TBL1XR1: variants seen among roughly 807,000 people sequenced by gnomAD.
TBL1XR1 encodes F-box-like/WD repeat-containing protein TBL1XR1.
TBL1XR1 carries 5 observed loss-of-function variants against 66.9 expected under a neutral mutation model. The observed-to-expected ratio is 0.07, with a 90% CI of 0.04 to 0.16. The LOEUF (loss-of-function observed/expected upper bound fraction) is 0.16, where lower values mean the gene tolerates loss of function less well. Among genes scored for constraint, TBL1XR1 ranks in the 10% least tolerant of loss-of-function variants. The pLI, the probability that TBL1XR1 is intolerant of heterozygous loss-of-function variation, is 1.00. For synonymous variants in TBL1XR1, 210 were observed against 206.0 expected (o/e 1.02, Z -0.17); for missense variants, 238 against 623.2 (o/e 0.38, Z 6.58).
At chr3:177,137,451 C>T (rs1729133339) in intron 1 of TBL1XR1, among the ~76,000 whole-genome samples, 3 of 152,174 alleles carry the variant, frequency 2.0e-5, no homozygotes, top group Non-Finnish European at 1.5e-5. Flanking sequence ...TGTGCTCATA[C>T]CACCACACTC....
chr3:177,167,911 AG>A (rs1249933216), intron 1 of TBL1XR1, among the ~76,000 whole-genome samples: 2 of 151,934 alleles, frequency 1.3e-5, no homozygotes, highest in East Asian at 4.0e-4. Flanking sequence ...GGGCAACAAG[AG>A]CGAAACACTG....
chr3:177,134,467 T>TAAGA (rs1728668049), intron 1 of TBL1XR1, among the ~76,000 whole-genome samples: 1 of 152,206 alleles, frequency 6.6e-6, no homozygotes, highest in South Asian at 2.1e-4. Flanking sequence ...ATTCAGTCCC[T>TAAGA]AAGAATGTGT....
intron 1 of TBL1XR1, among the ~76,000 whole-genome samples, chr3:177,113,269 A>G (rs1725882434): frequency 6.6e-6 from 1 of 152,208 alleles, no homozygotes; most frequent in African/African-American, 2.4e-5. Flanking sequence ...GAAAATTACT[A>G]AAAGAAAACT....
chr3:177,082,484 T>C (rs1214753518), intron 2 of TBL1XR1, among the ~76,000 whole-genome samples: 1 of 151,682 alleles, frequency 6.6e-6, no homozygotes, highest in Non-Finnish European at 1.5e-5. Context: ...CAATTTAATC[T>C]GATACATATA....
intron 1 of TBL1XR1, among the ~76,000 whole-genome samples, chr3:177,165,024 T>C (rs80173856): frequency 1.3e-3 from 200 of 152,326 alleles, no homozygotes; most frequent in East Asian, 6.7e-3. Context: ...CTTAATGCCT[T>C]CCTTCTTTCT....
chr3:177,172,719 G>T (rs1733712745), intron 1 of TBL1XR1, among the ~76,000 whole-genome samples: 1 of 150,312 alleles, frequency 6.7e-6, no homozygotes, highest in Non-Finnish European at 1.5e-5. Context: ...GAAGAGCCAA[G>T]CCGAGCCAAG....
intron 14 of TBL1XR1, chr3:177,027,887 GA>G (rs1713380953): frequency 6.6e-6 from 1 of 152,016 alleles, no homozygotes; most frequent in Non-Finnish European, 1.5e-5. Flanking sequence ...AATGAGGAGA[GA>G]AAAAAGTAGA....
chr3:177,086,787 A>G (rs1039684656), intron 2 of TBL1XR1, among the ~76,000 whole-genome samples: 2 of 151,872 alleles, frequency 1.3e-5, no homozygotes, highest in Non-Finnish European at 2.9e-5. Flanking sequence ...TCAAAAATCC[A>G]CATATAACTT....
At chr3:177,107,685 G>A (rs1234638974) in intron 1 of TBL1XR1, among the ~76,000 whole-genome samples, 2 of 152,038 alleles carry the variant, frequency 1.3e-5, no homozygotes. Flanking sequence ...CACACACATA[G>A]ATACACCATC....
rs1190098013 is a variant in TBL1XR1, at chr3:177,020,332, T to A, written c.*5166A>T. The A allele has an allele frequency of 6.6e-6, 1 of 152,180 alleles. No homozygotes were observed. Among genetic ancestry groups the A allele is most frequent in the Non-Finnish European group, 1.5e-5 (1 of 68,006 alleles). 9.4% of individuals were successfully genotyped at this position (152,180 alleles called of 1,614,324 possible). A position where few individuals can be genotyped will look rare whatever the true frequency, so the allele number is the denominator to read the frequency against. On this transcript the variant is annotated 3_prime_UTR_variant, in exon 16 of 16. Transcript: ENST00000457928. Reference sequence around the variant, plus strand: ...TTTATTTTTCAAAAGAATTAAAAATTACAATCCCTTAGCTGATTAGATGCT... The same window carrying A: ...TTTATTTTTCAAAAGAATTAAAAATAACAATCCCTTAGCTGATTAGATGCT...
At chr3:177,089,675 C>T (rs1395626604) in intron 2 of TBL1XR1, among the ~76,000 whole-genome samples, 1 of 152,112 alleles carries the variant, frequency 6.6e-6, no homozygotes, top group East Asian at 1.9e-4. Context: ...TGGAAGAGTC[C>T]TGTTGTTAAA....
intron 1 of TBL1XR1, among the ~76,000 whole-genome samples, chr3:177,187,943 CTTTTTTTTTT>C (rs571361204): frequency 1.3e-5 from 1 of 77,838 alleles, no homozygotes; most frequent in South Asian, 5.1e-4. Flanking sequence ...GTACAATTTC[CTTTTTTTTTT>C]TTTTTTTTTT....
At chr3:177,176,876 A>G (rs574038005) in intron 1 of TBL1XR1, among the ~76,000 whole-genome samples, 1 of 152,246 alleles carries the variant, frequency 6.6e-6, no homozygotes, top group African/African-American at 2.4e-5. Context: ...GCTACTGACG[A>G]GGCTGAGGTG....
At chr3:177,029,830 A>G (rs965747775) in intron 14 of TBL1XR1, among the ~76,000 whole-genome samples, 1 of 152,214 alleles carries the variant, frequency 6.6e-6, no homozygotes, top group Non-Finnish European at 1.5e-5. Flanking sequence ...CTAAAATGCT[A>G]AAGTCCAACT....
intron 1 of TBL1XR1, among the ~76,000 whole-genome samples, chr3:177,158,473 C>G (rs576183900): frequency 6.6e-6 from 1 of 152,074 alleles, no homozygotes; most frequent in East Asian, 1.9e-4. Flanking sequence ...ATGATCCGCC[C>G]GCCTCGGCCT....
At chr3:177,200,595 T>C (rs143018717), upstream of TBL1XR1, among the ~76,000 whole-genome samples, 1 of 152,342 alleles carries the variant, frequency 6.6e-6, no homozygotes, top group Non-Finnish European at 1.5e-5. Flanking sequence ...CTATTGTTAC[T>C]AATATTCAGT....
At chr3:177,030,028 T>C (rs1276807208) in intron 14 of TBL1XR1, among the ~76,000 whole-genome samples, 4 of 151,980 alleles carry the variant, frequency 2.6e-5, no homozygotes, top group Admixed American at 2.6e-4. Flanking sequence ...GAAGAGCAGT[T>C]AGGCACAAGC....
At chr3:177,184,679 T>TA (rs781755230) in intron 1 of TBL1XR1, among the ~76,000 whole-genome samples, 1 of 151,922 alleles carries the variant, frequency 6.6e-6, no homozygotes, top group Non-Finnish European at 1.5e-5. Flanking sequence ...CACATGCCTG[T>TA]AGTCCCAGCT....
chr3:177,046,048 A>C (rs1716285662), intron 10 of TBL1XR1, 81 bp downstream of exon 10: 1 of 1,109,244 alleles, frequency 9.0e-7, no homozygotes, highest in African/African-American at 1.6e-5. Context: ...TCAACATTTA[A>C]AATAAATTAT....
Sources: allele counts gnomAD v4.1 joint callset (sites outside exome capture counted in the v4.1 genomes callset), GRCh38; gene constraint gnomAD v4.1.1; transcripts MANE v1.5; gene names NCBI Gene and HGNC (gene_info 2026-07-23, HGNC 2026-07-21).